Variants in MR1 observed in about 807,000 individuals in gnomAD.
MR1 encodes the protein major histocompatibility complex, class I-related, also known as major histocompatibility complex class I-related protein 1.
MR1 carries 44 observed loss-of-function variants against 37.8 expected under a neutral mutation model. The ratio of observed to expected loss-of-function variants is 1.16; its 90% CI spans 0.91 to 1.50. The LOEUF is 1.50. MR1 is among the 40% of genes most tolerant of loss of function. The pLI is 0.00. For synonymous variants in MR1, 153 were observed against 155.8 expected, an observed-to-expected ratio of 0.98 and a Z score of 0.13; for missense variants, 386 against 419.1, an observed-to-expected ratio of 0.92 and a Z score of 0.69.
chr1:181,036,725 A>T (rs1421874748), intron 1 of MR1, among the ~76,000 whole-genome samples: 6 of 152,150 alleles, frequency 3.9e-5, no homozygotes, highest in Non-Finnish European at 8.8e-5. Flanking sequence ...CTTCTCTTTG[A>T]GGCTCTCCTT....
At position 181,055,563 on chromosome 1, in the gene MR1, G is replaced by T; in HGVS notation, c.*298G>T. On this transcript the variant is annotated 3_prime_UTR_variant, in exon 6 of 6. Coordinates refer to ENST00000367580, the MANE Select transcript of MR1 (RefSeq NM_001385161.1). ...ACATTCTATTTGTCAATGATGATTT[G>T]CAACTAGTTGGAGATTCTCAGAGCA... 2.4e-6 allele frequency: 1 copy of T among 409,524 alleles called. No homozygotes were observed. Among genetic ancestry groups the T allele is most frequent in the South Asian group, 4.7e-5 (1 of 21,408 alleles). 25.4% of individuals were successfully genotyped at this position (409,524 alleles called of 1,614,324 possible). A position where few individuals can be genotyped will look rare whatever the true frequency, so the allele number is the denominator to read the frequency against.
intron 1 of MR1, among the ~76,000 whole-genome samples, chr1:181,034,310 G>A (rs1013832891): frequency 2.0e-5 from 3 of 152,086 alleles, no homozygotes; most frequent in African/African-American, 7.2e-5. Context: ...AAAGACTCTG[G>A]AACTTCCTCA....
chr1:181,041,766 T>C (rs1657565033), intron 1 of MR1, among the ~76,000 whole-genome samples: 2 of 152,228 alleles, frequency 1.3e-5, no homozygotes, highest in Admixed American at 6.5e-5. Flanking sequence ...ACGCCTTCCT[T>C]TTTTAAATAG....
At chr1:181,046,140 C>A (rs923497056) in intron 1 of MR1, among the ~76,000 whole-genome samples, 4 of 152,218 alleles carry the variant, frequency 2.6e-5, no homozygotes, top group African/African-American at 4.8e-5. Context: ...CTGTGCGGCC[C>A]GAGCCTCCCC....
intron 4 of MR1, 64 bp downstream of exon 4, chr1:181,052,574 T>G: frequency 1.9e-6 from 3 of 1,543,956 alleles, no homozygotes; most frequent in Non-Finnish European, 2.6e-6. Context: ...CAGGAAACCA[T>G]GCTCGCTGCC....
At chr1:181,039,812 G>A (rs1657459215) in intron 1 of MR1, among the ~76,000 whole-genome samples, 2 of 146,086 alleles carry the variant, frequency 1.4e-5, no homozygotes, top group South Asian at 4.2e-4. Flanking sequence ...GTTGCAGTGA[G>A]CCAAGATCAT....
intron 1 of MR1, among the ~76,000 whole-genome samples, chr1:181,048,159 G>C (rs1290019947): frequency 2.0e-5 from 3 of 151,586 alleles, no homozygotes; most frequent in African/African-American, 7.3e-5. Context: ...GGAGGTTGCA[G>C]TGAGCCGAGT....
At chr1:181,048,539 A>AC (rs1658067107) in intron 1 of MR1, among the ~76,000 whole-genome samples, 1 of 152,112 alleles carries the variant, frequency 6.6e-6, no homozygotes, top group Admixed American at 6.5e-5. Context: ...CATCTCAAAA[A>AC]AAAAAAAATG....
At chr1:181,052,546 C>T (rs765479153) in intron 4 of MR1, 36 bp downstream of exon 4, 1 of 1,595,738 alleles carries the variant, frequency 6.3e-7, no homozygotes, top group South Asian at 1.1e-5. Context: ...AGGGAGAGAG[C>T]CTGGAGAAAG....
rs147976712 is a variant in MR1, at chr1:181,043,448, C to T, written c.68-5604C>T. ...GCTAACAATGATTTTAATTGCTGGG[C>T]GTGGTGGCTCACATCTCTAATCCCA... On this transcript the variant is annotated intron_variant, in intron 1 of 5. Coordinates refer to ENST00000367580, the MANE Select transcript of MR1 (RefSeq NM_001385161.1). 9.0e-3 allele frequency among the ~76,000 whole-genome samples: 1,375 copies of T among 152,270 alleles called. 19 individuals are homozygous for T. The highest frequency in any genetic ancestry group is 0.032 in the African/African-American group (1,324 of 41,536).
intron 1 of MR1, among the ~76,000 whole-genome samples, chr1:181,047,003 C>G (rs1432161746): frequency 2.6e-5 from 4 of 152,152 alleles, no homozygotes; most frequent in African/African-American, 9.7e-5. Flanking sequence ...AGCTGTAACA[C>G]TCACCGCGAG....
intron 3 of MR1, 185 bp downstream of exon 3, chr1:181,050,471 G>A (rs1213693129): frequency 4.4e-6 from 3 of 689,096 alleles, no homozygotes; most frequent in Non-Finnish European, 7.3e-6. Flanking sequence ...ATCTTGACAA[G>A]ATTTGACAGT....
intron 1 of MR1, among the ~76,000 whole-genome samples, chr1:181,034,512 A>T (rs932997930): frequency 6.6e-6 from 1 of 152,202 alleles, no homozygotes. Flanking sequence ...GTAATAAAAG[A>T]TCCAAGAAAG....
intron 3 of MR1, 74 bp downstream of exon 3, chr1:181,050,360 G>T (rs745922524): frequency 1.3e-6 from 2 of 1,576,204 alleles, no homozygotes; most frequent in Admixed American, 3.4e-5. Flanking sequence ...TTTAATCTAG[G>T]TTATATCCAC....
chr1:181,043,446 G>T (rs1377616635), intron 1 of MR1, among the ~76,000 whole-genome samples: 1 of 152,192 alleles, frequency 6.6e-6, no homozygotes, highest in Non-Finnish European at 1.5e-5. Context: ...TTAATTGCTG[G>T]GCGTGGTGGC....
chr1:181,048,325 G>A (rs941498961), intron 1 of MR1, among the ~76,000 whole-genome samples: 2 of 152,122 alleles, frequency 1.3e-5, no homozygotes, highest in Non-Finnish European at 2.9e-5. Context: ...CATGAGGTCA[G>A]GAGTTTGAGA....
At chr1:181,048,845 G>A (rs1309472842) in intron 1 of MR1, among the ~76,000 whole-genome samples, 1 of 152,168 alleles carries the variant, frequency 6.6e-6, no homozygotes, top group Non-Finnish European at 1.5e-5. Context: ...GAACGAGAAA[G>A]GCTCCAAGTC....
chr1:181,053,495 A>G, intron 4 of MR1, 78 bp from the exon 5 acceptor site: 3 of 1,081,862 alleles, frequency 2.8e-6, no homozygotes, highest in South Asian at 2.6e-5. Flanking sequence ...CCTGATGATC[A>G]CAGGGACAAA....
intron 3 of MR1, chr1:181,050,953 C>G (rs1658280708): frequency 6.6e-6 from 1 of 152,218 alleles, no homozygotes; most frequent in South Asian, 2.1e-4. Flanking sequence ...CATGATCAGC[C>G]TGGGTCACAG....
Sources: allele counts gnomAD v4.1 joint callset (sites outside exome capture counted in the v4.1 genomes callset), GRCh38; gene constraint gnomAD v4.1.1; transcripts MANE v1.5; gene names NCBI Gene and HGNC (gene_info 2026-07-23, HGNC 2026-07-21).